Variants in IL1RAPL2 observed in about 807,000 individuals in gnomAD.
IL1RAPL2 encodes X-linked interleukin-1 receptor accessory protein-like 2.
A neutral mutation model predicts 44.1 loss-of-function variants in IL1RAPL2; 3 were observed. That is an observed-to-expected ratio of 0.07 (90% CI 0.03 to 0.18). IL1RAPL2 has a LOEUF of 0.18. IL1RAPL2 is among the 10% of genes least tolerant of loss of function. The pLI is 1.00. For synonymous variants in IL1RAPL2, 181 were observed against 178.8 expected, an observed-to-expected ratio of 1.01 and a Z score of -0.10; for missense variants, 391 against 496.4, an observed-to-expected ratio of 0.79 and a Z score of 2.02.
rs771476064 is a variant in IL1RAPL2, at chrX:105,313,482, G to A, written c.697+45941G>A. Among the ~76,000 whole-genome samples the A allele has an allele frequency of 3.6e-5, 4 of 111,360 alleles. No homozygotes were observed. The East Asian group carries it at 8.5e-4, about 24-fold the overall frequency. ...CCTAGTAGAAAGCAGAGAAAAATTA[G>A]AGTTGTAAGGTCTATTGATGCATCT... On this transcript the variant is annotated intron_variant, in intron 5 of 10. Coordinates refer to ENST00000372582, the MANE Select transcript of IL1RAPL2 (RefSeq NM_017416.2).
At chrX:105,067,475 T>G (rs980425867) in intron 2 of IL1RAPL2, among the ~76,000 whole-genome samples, 1 of 111,569 alleles carries the variant, frequency 9.0e-6, no homozygotes, top group South Asian at 3.8e-4. Context: ...GCAACAAACT[T>G]ATTTAACAAG....
intron 2 of IL1RAPL2, among the ~76,000 whole-genome samples, chrX:104,810,533 G>A (rs1405871800): frequency 9.0e-6 from 1 of 111,153 alleles, no homozygotes; most frequent in Non-Finnish European, 1.9e-5. Context: ...TCTATCATGA[G>A]GTCATCAATA....
chrX:104,994,296 A>T (rs1441241037), intron 2 of IL1RAPL2, among the ~76,000 whole-genome samples: 1 of 111,770 alleles, frequency 8.9e-6, no homozygotes, highest in African/African-American at 3.2e-5. Context: ...ATACTGTACG[A>T]ATCTATTTAT....
intron 2 of IL1RAPL2, among the ~76,000 whole-genome samples, chrX:104,972,340 G>C (rs925584365): frequency 9.0e-6 from 1 of 111,713 alleles, no homozygotes; most frequent in Admixed American, 9.5e-5. Context: ...GGGTGCAAAA[G>C]ATAGAATCAT....
At chrX:105,381,395 TA>T in intron 5 of IL1RAPL2, among the ~76,000 whole-genome samples, 1 of 111,819 alleles carries the variant, frequency 8.9e-6, no homozygotes, top group East Asian at 2.8e-4. Context: ...CTTTTGGTTA[TA>T]ATGCTGAAAA....
At chrX:105,628,062 T>C (rs2037465752) in intron 6 of IL1RAPL2, among the ~76,000 whole-genome samples, 2 of 111,623 alleles carry the variant, frequency 1.8e-5, no homozygotes, top group Admixed American at 1.9e-4. Flanking sequence ...GGAGGAGTAT[T>C]CTCCAGGTGC....
intron 4 of IL1RAPL2, among the ~76,000 whole-genome samples, chrX:105,243,344 C>T (rs2034187825): frequency 9.2e-6 from 1 of 109,031 alleles, no homozygotes; most frequent in Non-Finnish European, 1.9e-5. Context: ...TGCCTTGTTT[C>T]CCCTTCATCT....
intron 2 of IL1RAPL2, among the ~76,000 whole-genome samples, chrX:104,856,837 G>C (rs990862519): frequency 8.9e-6 from 1 of 112,192 alleles, no homozygotes; most frequent in Non-Finnish European, 1.9e-5. Flanking sequence ...AAAATTTATA[G>C]AGGAAATGAT....
chrX:104,949,277 T>A (rs1171924167), intron 2 of IL1RAPL2, among the ~76,000 whole-genome samples: 1 of 111,010 alleles, frequency 9.0e-6, no homozygotes, highest in African/African-American at 3.3e-5. Flanking sequence ...CCCTTTATCA[T>A]TTTTTATTGC....
intron 2 of IL1RAPL2, among the ~76,000 whole-genome samples, chrX:104,824,724 G>T (rs1383000017): frequency 8.9e-6 from 1 of 111,777 alleles, no homozygotes; most frequent in African/African-American, 3.2e-5. Context: ...TGTGGAATCA[G>T]TGGTGATCTC....
intron 6 of IL1RAPL2, among the ~76,000 whole-genome samples, chrX:105,631,470 G>A (rs930276177): frequency 1.8e-5 from 2 of 112,181 alleles, no homozygotes; most frequent in African/African-American, 3.2e-5. Flanking sequence ...ATGCTGCCCC[G>A]ACAGACTCTA....
chrX:104,883,866 G>T (rs981678178), intron 2 of IL1RAPL2, among the ~76,000 whole-genome samples: 1 of 111,728 alleles, frequency 9.0e-6, no homozygotes, highest in African/African-American at 3.3e-5. Context: ...CTCAGAAATT[G>T]TATCCTTCCT....
chrX:105,709,181 A>T (rs2038188348), intron 6 of IL1RAPL2, among the ~76,000 whole-genome samples: 1 of 112,058 alleles, frequency 8.9e-6, no homozygotes, highest in African/African-American at 3.2e-5. Context: ...CAGAGCCAAC[A>T]GAAGCAGCCA....
intron 2 of IL1RAPL2, among the ~76,000 whole-genome samples, chrX:105,085,861 A>C (rs769392423): frequency 8.9e-6 from 1 of 112,229 alleles, no homozygotes; most frequent in Non-Finnish European, 1.9e-5. Context: ...GTATATTCTT[A>C]AAGTAGGCTA....
intron 10 of IL1RAPL2, among the ~76,000 whole-genome samples, chrX:105,759,468 A>G (rs1254299081): frequency 8.9e-6 from 1 of 112,128 alleles, no homozygotes; most frequent in Non-Finnish European, 1.9e-5. Flanking sequence ...TTGTTCATGC[A>G]TGATTGCATT....
chrX:104,952,607 C>T (rs1043530469), intron 2 of IL1RAPL2, among the ~76,000 whole-genome samples: 1 of 111,220 alleles, frequency 9.0e-6, no homozygotes, highest in African/African-American at 3.3e-5. Flanking sequence ...ACACCCTAGG[C>T]CCTAATCAGT....
At chrX:105,761,420 C>T (rs767624849) in intron 10 of IL1RAPL2, among the ~76,000 whole-genome samples, 1 of 110,797 alleles carries the variant, frequency 9.0e-6, no homozygotes, top group Non-Finnish European at 1.9e-5. Flanking sequence ...TATTTAGAAT[C>T]ATTATATAAA....
chrX:105,705,172 T>TG (rs987579728), intron 6 of IL1RAPL2, among the ~76,000 whole-genome samples: 1 of 106,539 alleles, frequency 9.4e-6, no homozygotes, highest in Admixed American at 1.0e-4. Flanking sequence ...TCATTTGGGG[T>TG]GGGGGGGATG....
Position 104,691,238 on chromosome X carries a change from A to C in IL1RAPL2, c.82+32243A>C, listed in dbSNP as rs1168763991. Among the ~76,000 whole-genome samples the C allele has an allele frequency of 3.6e-5, 4 of 112,012 alleles. No homozygotes were observed. In the East Asian group the frequency reaches 1.1e-3, roughly 32 times the overall value. The stretch of plus-strand genomic sequence containing the variant: ...AGCAGATGCTGCCTCTTGTCACGTC[A>C]GGGCCTAGCTTCTCCCTGAAGCCTT... On this transcript the variant is annotated intron_variant, in intron 2 of 10. Coordinates refer to ENST00000372582, the MANE Select transcript of IL1RAPL2 (RefSeq NM_017416.2).
Sources: gnomAD v4.1 joint callset for allele counts (sites outside exome capture counted in the v4.1 genomes callset) on GRCh38, gnomAD v4.1.1 for gene constraint, MANE v1.5 for transcripts, NCBI Gene and HGNC (gene_info 2026-07-23, HGNC 2026-07-21) for gene names.